Variants in UGGT1 observed in about 807,000 individuals in gnomAD.
UGGT1 encodes the protein UDP-glucose glycoprotein glucosyltransferase 1.
Under a neutral mutation model 203.9 loss-of-function variants are expected in UGGT1, and 107 were observed. That is an observed-to-expected ratio of 0.52 (90% CI 0.45 to 0.62). UGGT1 has a LOEUF of 0.62. Among genes scored for constraint, UGGT1 ranks in the 20% least tolerant of loss-of-function variants. The pLI is 0.00. For synonymous variants in UGGT1, 628 were observed against 653.5 expected (o/e 0.96, Z 0.59); for missense variants, 1,673 against 1,867.2 (o/e 0.90, Z 1.92).
chr2:128,094,582 C>T (rs113427496), intron 1 of UGGT1, among the ~76,000 whole-genome samples: 29 of 152,154 alleles, frequency 1.9e-4, no homozygotes, highest in African/African-American at 5.8e-4. Flanking sequence ...ACTGCTAGTA[C>T]GTAGCAAACT....
chr2:128,166,782 A>C (rs1690813691), intron 26 of UGGT1, among the ~76,000 whole-genome samples: 2 of 152,244 alleles, frequency 1.3e-5, no homozygotes, highest in Admixed American at 6.5e-5. Flanking sequence ...GCAAGTATAT[A>C]CATATACACT....
chr2:128,143,507 T>C (rs1035047741), intron 17 of UGGT1, among the ~76,000 whole-genome samples: 4 of 152,218 alleles, frequency 2.6e-5, no homozygotes, highest in Non-Finnish European at 4.4e-5. Context: ...AGCTTTTTAT[T>C]GTGGATGATT....
At chr2:128,091,692 G>A in intron 1 of UGGT1, 1 of 944,012 alleles carries the variant, frequency 1.1e-6, no homozygotes, top group Non-Finnish European at 1.4e-6. Context: ...AGAAGGAAAT[G>A]GGGGAGGTAT....
At chr2:128,107,339 C>A (rs188360277) in intron 3 of UGGT1, among the ~76,000 whole-genome samples, 3 of 151,782 alleles carry the variant, frequency 2.0e-5, no homozygotes, top group Admixed American at 2.0e-4. Flanking sequence ...TGCTTCTTTT[C>A]AAACTTTACA....
At chr2:128,177,047 G>A in intron 32 of UGGT1, 149 bp downstream of exon 32, 1 of 660,678 alleles carries the variant, frequency 1.5e-6, no homozygotes, top group Non-Finnish European at 2.5e-6. Flanking sequence ...GTAACTGTGA[G>A]TTTGTGGCTT....
intron 7 of UGGT1, 117 bp downstream of exon 7, chr2:128,115,337 G>GTTC: frequency 1.1e-6 from 1 of 876,664 alleles, no homozygotes; most frequent in South Asian, 1.7e-5. Flanking sequence ...TTGCATCCTG[G>GTTC]TTCTGTTACA....
chr2:128,121,082 G>A, intron 9 of UGGT1, 117 bp from the exon 10 acceptor site: 1 of 908,352 alleles, frequency 1.1e-6, no homozygotes, highest in Non-Finnish European at 1.7e-6. Context: ...TGGAATGGTT[G>A]CATTCGAAGA....
intron 3 of UGGT1, among the ~76,000 whole-genome samples, chr2:128,105,339 A>G (rs1481696326): frequency 6.6e-6 from 1 of 150,596 alleles, no homozygotes; most frequent in African/African-American, 2.4e-5. Flanking sequence ...TATTTGGGCT[A>G]ATTAAAAAAA....
chr2:128,187,096 G>A, intron 39 of UGGT1: 1 of 274,834 alleles, frequency 3.6e-6, no homozygotes, highest in Non-Finnish European at 6.7e-6. Flanking sequence ...ATATTTCACT[G>A]GTTTTATTTC....
chr2:128,109,808 C>A, intron 5 of UGGT1, 62 bp downstream of exon 5: 2 of 1,379,566 alleles, frequency 1.4e-6, no homozygotes, highest in African/African-American at 1.4e-5. Flanking sequence ...TGCATTTGGT[C>A]TACCTTCTGA....
At chr2:128,116,126 C>G in intron 7 of UGGT1, 139 bp from the exon 8 acceptor site, 1 of 548,280 alleles carries the variant, frequency 1.8e-6, no homozygotes, top group Non-Finnish European at 3.2e-6. Flanking sequence ...TTGTGATAGT[C>G]AGCATTTTAA....
rs749193577 is a variant in UGGT1 at position 128,113,197 on chromosome 2, G to A, written c.635G>A (p.Arg212His). 2.0e-5 allele frequency: 32 copies of A among 1,612,826 alleles called. No homozygotes were observed. Among genetic ancestry groups the A allele is most frequent in the Non-Finnish European group, 2.5e-5 (29 of 1,179,420 alleles). ...IGSEEFSNFHRQLISKSNAGK... is the reference protein window; with the variant it reads ...IGSEEFSNFHHQLISKSNAGK... ...TCTGAGGAATTTTCCAATTTTCACC[G>A]CCAGCTTATATCAAAAAGCAATGCA... Residue 212 changes from arginine (R) to histidine (H), a missense_variant, in exon 6 of 41, where the codon CGC (arginine) becomes CAC (histidine). Transcript: ENST00000259253.
rs1463035351 is a variant in UGGT1, at chr2:128,187,511, G to T, written c.4539G>T (p.Trp1513Cys). 12 of 1,614,012 alleles carry T rather than the reference G, an allele frequency of 7.4e-6. No individual in the cohort carries two copies. The highest frequency in any genetic ancestry group is 3.3e-5 in the Admixed American group (2 of 59,988). The change falls in exon 40 of 41, where the codon TGG (tryptophan) becomes TGT (cysteine). Residue 1513 changes from tryptophan to cysteine, a missense_variant. Transcript: ENST00000259253. ...CAGCTGTGCGGATTGTCCCGGAGTGGCAGGACTACGACCAAGAGATCAAAC... is the reference window on the plus strand; with the variant it reads ...CAGCTGTGCGGATTGTCCCGGAGTGTCAGGACTACGACCAAGAGATCAAAC... Reference protein sequence around the residue: ...LEAAVRIVPEWQDYDQEIKQL... With the variant: ...LEAAVRIVPECQDYDQEIKQL...
rs57953977 is a variant in UGGT1 at position 128,151,098 on chromosome 2, G to A, written c.2017-1686G>A. 113 of 299,548 alleles carry A rather than the reference G, an allele frequency of 3.8e-4. No homozygotes were observed. In the East Asian group the frequency reaches 8.6e-3, roughly 23 times the overall value. 18.6% of individuals were successfully genotyped at this position (299,548 alleles called of 1,614,324 possible). ...ACTCCTGACCTCAGGTTATCCACCC[G>A]CCTCAGCCTCCCAAAGTGCTGGGAT... On this transcript the variant is annotated intron_variant, in intron 18 of 40. Coordinates refer to ENST00000259253, the MANE Select transcript of UGGT1 (RefSeq NM_020120.4).
intron 2 of UGGT1, among the ~76,000 whole-genome samples, chr2:128,100,018 A>ACGC (rs1553431314): frequency 8.6e-5 from 3 of 34,914 alleles, no homozygotes; most frequent in Non-Finnish European, 1.6e-4. Context: ...GAGATTTACA[A>ACGC]CCCCCCCCCC....
intron 6 of UGGT1, among the ~76,000 whole-genome samples, 180 bp downstream of exon 6, chr2:128,113,438 C>T (rs1295449388): frequency 1.3e-5 from 2 of 152,086 alleles, no homozygotes; most frequent in Non-Finnish European, 2.9e-5. Flanking sequence ...GCTTGGCTTT[C>T]TGAAGAAATA....
At chr2:128,093,500 G>A (rs1686967824) in intron 1 of UGGT1, among the ~76,000 whole-genome samples, 1 of 151,908 alleles carries the variant, frequency 6.6e-6, no homozygotes, top group South Asian at 2.1e-4. Context: ...TGTCAGATTG[G>A]TTGGTTGGAT....
intron 30 of UGGT1, among the ~76,000 whole-genome samples, chr2:128,174,284 G>C: frequency 6.6e-6 from 1 of 151,196 alleles, no homozygotes; most frequent in East Asian, 1.9e-4. Context: ...ATGATTTATT[G>C]GTGTGACTGG....
rs1043998583 is a variant in UGGT1, at chr2:128,195,277, C to T, written c.*5535C>T. The T allele has an allele frequency of 2.0e-5, 3 of 152,204 alleles. No individual in the cohort carries two copies. Among genetic ancestry groups the T allele is most frequent in the Non-Finnish European group, 4.4e-5 (3 of 68,032 alleles). 9.4% of individuals were successfully genotyped at this position (152,204 alleles called of 1,614,324 possible). On this transcript the variant is annotated 3_prime_UTR_variant, in exon 41 of 41. Coordinates refer to ENST00000259253, the MANE Select transcript of UGGT1 (RefSeq NM_020120.4). ...ATTGTATGCCTTGCCTTACTTGTCA[C>T]CATTGAGATTTCCAGAGAAATGGGC...
Sources: gnomAD v4.1 joint callset for allele counts (sites outside exome capture counted in the v4.1 genomes callset) on GRCh38, gnomAD v4.1.1 for gene constraint, MANE v1.5 for transcripts, NCBI Gene and HGNC (gene_info 2026-07-23, HGNC 2026-07-21) for gene names.